TGFBR3: variants seen among roughly 807,000 people sequenced by gnomAD.
The protein encoded by TGFBR3 is transforming growth factor beta receptor 3, also known as transforming growth factor beta receptor type 3.
TGFBR3 carries 46 observed loss-of-function variants against 87.9 expected under a neutral mutation model. The ratio of observed to expected loss-of-function variants is 0.52; its 90% CI spans 0.41 to 0.67. The LOEUF (loss-of-function observed/expected upper bound fraction) is 0.67. Among genes scored for constraint, TGFBR3 ranks in the 30% least tolerant of loss-of-function variants. The pLI, the probability that TGFBR3 is intolerant of heterozygous loss-of-function variation, is 0.00. For missense variants in TGFBR3, 866 were observed against 1,041.9 expected (o/e 0.83, Z 2.32); for synonymous variants, 381 against 391.6 (o/e 0.97, Z 0.32).
intron 3 of TGFBR3, among the ~76,000 whole-genome samples, chr1:91,776,946 A>C (rs1255859375): frequency 6.6e-6 from 1 of 152,166 alleles, no homozygotes; most frequent in Non-Finnish European, 1.5e-5. Flanking sequence ...GAGACTTCTG[A>C]ATCTAACAAA....
chr1:91,861,226 C>T (rs1225973853), intron 2 of TGFBR3, among the ~76,000 whole-genome samples: 1 of 151,984 alleles, frequency 6.6e-6, no homozygotes, highest in Non-Finnish European at 1.5e-5. Flanking sequence ...ACATAGGAAA[C>T]CCTATCTCTA....
Position 91,681,240 on chromosome 1 carries a change from AC to A in TGFBR3, c.*2498del. ...TGTAATGAGAAGCTAGGGAGAAAAT[AC>A]CTTATTTTTTTCATGTTCATTTTTT... On this transcript the variant is annotated 3_prime_UTR_variant, in exon 17 of 17. Transcript: ENST00000212355. 1 of 443,160 alleles carries A rather than the reference AC, an allele frequency of 2.3e-6. No homozygotes were observed. The allele number at this position is 443,160 out of a possible 1,614,324, so 27.5% of individuals were successfully genotyped here.
intron 3 of TGFBR3, among the ~76,000 whole-genome samples, chr1:91,772,767 T>C (rs1012706753): frequency 6.6e-6 from 1 of 152,214 alleles, no homozygotes; most frequent in African/African-American, 2.4e-5. Flanking sequence ...TACAATGTCT[T>C]TCTGAGATGC....
chr1:91,806,481 G>A (rs1295223240), intron 2 of TGFBR3, among the ~76,000 whole-genome samples: 1 of 152,056 alleles, frequency 6.6e-6, no homozygotes, highest in African/African-American at 2.4e-5. Flanking sequence ...CTGGCGGGGG[G>A]GGTAATGTTT....
At chr1:91,882,040 A>AAAATAAAG (rs140935433) in intron 1 of TGFBR3, among the ~76,000 whole-genome samples, 1 of 146,350 alleles carries the variant, frequency 6.8e-6, no homozygotes, top group Non-Finnish European at 1.5e-5. Context: ...CTTTGTCTCA[A>AAAATAAAG]AAATAAATAA....
At chr1:91,712,643 T>A (rs1672023089) in intron 12 of TGFBR3, 101 bp from the exon 13 acceptor site, 3 of 1,014,530 alleles carry the variant, frequency 3.0e-6, no homozygotes, top group Non-Finnish European at 4.6e-6. Flanking sequence ...GATGACACGC[T>A]GCTTTATCTT....
chr1:91,778,238 C>T (rs1377491163), intron 3 of TGFBR3, among the ~76,000 whole-genome samples: 2 of 151,096 alleles, frequency 1.3e-5, no homozygotes, highest in Non-Finnish European at 2.9e-5. Flanking sequence ...GTTCCTTATT[C>T]ACTGAATGCT....
At chr1:91,718,341 C>G (rs1393323440) in intron 10 of TGFBR3, among the ~76,000 whole-genome samples, 1 of 152,076 alleles carries the variant, frequency 6.6e-6, no homozygotes, top group South Asian at 2.1e-4. Flanking sequence ...AGAGTCACTT[C>G]CCACAGGAAC....
rs1197093344 is a variant in TGFBR3 at position 91,758,695 on chromosome 1, A to T, written c.302T>A (p.Val101Glu). 6.2e-7 allele frequency: 1 copy of T among 1,614,062 alleles called. No homozygotes were observed. Among genetic ancestry groups the T allele is most frequent in the South Asian group, 1.1e-5 (1 of 91,078 alleles). Residue 101 changes from valine to glutamate, a missense_variant, in exon 4 of 17, where the codon GTG becomes GAG. Transcript: ENST00000212355. ...SSVHIHHKSV[V>E]FLLNSPHPLV... ...GGGGTGTGGGGAGTTGAGCAGGAACACAACAGACTTGTGGTGGATGTGGAC... is the reference window on the plus strand; with the variant it reads ...GGGGTGTGGGGAGTTGAGCAGGAACTCAACAGACTTGTGGTGGATGTGGAC...
At chr1:91,784,790 G>C (rs11165496) in intron 3 of TGFBR3, among the ~76,000 whole-genome samples, 68,762 of 151,962 alleles carry the variant, frequency 0.45, 16,255 homozygotes, top group Middle Eastern at 0.6. Flanking sequence ...GCTTCACACA[G>C]CACACACACT....
At chr1:91,716,847 T>C (rs1222522575) in intron 10 of TGFBR3, 139 bp from the exon 11 acceptor site, 2 of 1,095,404 alleles carry the variant, frequency 1.8e-6, no homozygotes, top group Admixed American at 1.8e-5. Flanking sequence ...TAAAATAACA[T>C]CCAGGCTTTT....
chr1:91,720,112 A>G lies in TGFBR3; in HGVS notation c.1194T>C (p.Asn398=), dbSNP rs1672312766. The change falls in exon 9 of 17, where the codon AAT becomes AAC. Residue 398 remains asparagine (N), a synonymous_variant. Coordinates refer to ENST00000212355, the MANE Select transcript of TGFBR3 (RefSeq NM_003243.5). The stretch of plus-strand genomic sequence containing the variant: ...CTGGGAAAGGAAACGGAAGGCCTCC[A>G]TTTTGGCCTTCCCCTCCCCGGATGG... ...NPPIRGGEGQ[N]GGLPFPFPDI... is the part of the protein sequence containing the mutation. 3.7e-6 allele frequency: 6 copies of G among 1,613,946 alleles called. No individual in the cohort carries two copies. Among genetic ancestry groups the G allele is most frequent in the Non-Finnish European group, 5.1e-6 (6 of 1,180,008 alleles).
chr1:91,797,148 G>C, intron 3 of TGFBR3, 139 bp downstream of exon 3: 1 of 974,080 alleles, frequency 1.0e-6, no homozygotes, highest in Non-Finnish European at 1.6e-6. Context: ...GACAGCAGCT[G>C]GTATTTTAAA....
intron 2 of TGFBR3, among the ~76,000 whole-genome samples, chr1:91,805,455 G>C (rs1675792349): frequency 6.6e-6 from 1 of 152,176 alleles, no homozygotes; most frequent in South Asian, 2.1e-4. Context: ...CCAGCACAGA[G>C]GCACAGCCCC....
chr1:91,852,340 A>G (rs1677768726), intron 2 of TGFBR3, among the ~76,000 whole-genome samples: 1 of 152,164 alleles, frequency 6.6e-6, no homozygotes, highest in Non-Finnish European at 1.5e-5. Flanking sequence ...TCTTTGAGAA[A>G]TGAACTCACC....
At chr1:91,760,429 C>CA (rs967788520) in intron 3 of TGFBR3, among the ~76,000 whole-genome samples, 1 of 151,986 alleles carries the variant, frequency 6.6e-6, no homozygotes, top group Non-Finnish European at 1.5e-5. Context: ...AACAAGCAAA[C>CA]AAAAAACTGT....
At chr1:91,804,284 A>G (rs1675754308) in intron 2 of TGFBR3, among the ~76,000 whole-genome samples, 1 of 152,198 alleles carries the variant, frequency 6.6e-6, no homozygotes, top group Non-Finnish European at 1.5e-5. Flanking sequence ...CACAGAAAGC[A>G]GGAAACACAA....
At chr1:91,848,869 A>G (rs1436901246) in intron 2 of TGFBR3, among the ~76,000 whole-genome samples, 1 of 152,208 alleles carries the variant, frequency 6.6e-6, no homozygotes, top group Admixed American at 6.5e-5. Context: ...AAGGACATTC[A>G]TTCACAACAC....
At chr1:91,904,147 G>A (rs928335719) in intron 1 of TGFBR3, among the ~76,000 whole-genome samples, 3 of 152,182 alleles carry the variant, frequency 2.0e-5, no homozygotes, top group African/African-American at 7.2e-5. Flanking sequence ...TCGTGCCACT[G>A]CACTCCAACC....
Sources: allele counts gnomAD v4.1 joint callset (sites outside exome capture counted in the v4.1 genomes callset), GRCh38; gene constraint gnomAD v4.1.1; transcripts MANE v1.5; gene names NCBI Gene and HGNC (gene_info 2026-07-23, HGNC 2026-07-21).